Variants in ACE observed in about 807,000 individuals in gnomAD.
ACE encodes the protein angiotensin I converting enzyme, also known as angiotensin-converting enzyme.
Under a neutral mutation model 162.3 loss-of-function variants are expected in ACE, and 122 were observed. The observed-to-expected ratio is 0.75, with a 90% CI of 0.65 to 0.87. The LOEUF (loss-of-function observed/expected upper bound fraction) is 0.87. Among genes scored for constraint, ACE ranks in the 40% least tolerant of loss-of-function variants. ACE has a pLI of 0.00. For synonymous variants in ACE, 796 were observed against 720.6 expected (o/e 1.10, Z -1.68); for missense variants, 1,799 against 1,735.1 (o/e 1.04, Z -0.65).
At chr17:63,479,348 C>T (rs1205038258) in intron 3 of ACE, among the ~76,000 whole-genome samples, 2 of 152,182 alleles carry the variant, frequency 1.3e-5, no homozygotes, top group African/African-American at 4.8e-5. Flanking sequence ...CACCCCTAGG[C>T]CTTCCTCCTG....
chr17:63,477,451 C>G, intron 1 of ACE, 108 bp downstream of exon 1: 1 of 913,254 alleles, frequency 1.1e-6, no homozygotes, highest in Non-Finnish European at 1.4e-6. Flanking sequence ...CGAACCCCAC[C>G]CCGACCCCGG....
chr17:63,488,959 A>T lies in ACE; in HGVS notation c.2468A>T (p.Asp823Val), dbSNP rs777851729. The change falls in exon 17 of 25, where the codon GAC (aspartate) becomes GTC (valine). Residue 823 changes from aspartate to valine, a missense_variant. Transcript: ENST00000290866. ...TCTGTAGGCTATGTAGATGCAGGGG[A>T]CTCGTGGAGGTCTATGTACGAGACA... is the stretch of plus-strand genomic sequence containing the variant. ...ARLNGYVDAGDSWRSMYETPS... is the reference protein window; with the variant it reads ...ARLNGYVDAGVSWRSMYETPS... The T allele has an allele frequency of 1.1e-5, 17 of 1,613,932 alleles. No homozygotes were observed. Among genetic ancestry groups the T allele is most frequent in the Non-Finnish European group, 1.1e-5 (13 of 1,179,994 alleles).
chr17:63,490,882 C>T, intron 17 of ACE, 72 bp from the exon 18 acceptor site: 1 of 1,428,962 alleles, frequency 7.0e-7, no homozygotes, highest in Non-Finnish European at 9.9e-7. Flanking sequence ...GAGCGCTCTT[C>T]CTGCAGGAGG....
chr17:63,481,844 C>G lies in ACE; in HGVS notation c.1118+106C>G. 4.1e-6 allele frequency: 6 copies of G among 1,457,792 alleles called. No individual in the cohort carries two copies. In the South Asian group the frequency reaches 7.0e-5, roughly 17 times the overall value. The allele number at this position is 1,457,792 out of a possible 1,614,324, so 90.3% of individuals were successfully genotyped here. A position where few individuals can be genotyped will look rare whatever the true frequency, so the allele number is the denominator to read the frequency against. ...GCTGGTTCCCAGGCCTGCCTCTACC[C>G]TACCCCAGCACTGGTTGGAGGCTGG... On this transcript the variant is annotated intron_variant, in intron 7 of 24. Transcript: ENST00000290866.
intron 8 of ACE, 116 bp downstream of exon 8, chr17:63,482,805 T>C: frequency 8.1e-7 from 1 of 1,236,094 alleles, no homozygotes; most frequent in South Asian, 1.3e-5. Flanking sequence ...CGGCCCCAGG[T>C]CAGGCAGGGT....
In ACE at chr17:63,497,375, G is replaced by A. The variant is rs1182528731; in HGVS notation, c.*9G>A. The stretch of plus-strand genomic sequence containing the variant: ...AGCTGAGACACTCCTGAGGTGACCC[G>A]GCTGGGTCGGCCCTGCCCAAGGGCC... On this transcript the variant is annotated 3_prime_UTR_variant, in exon 25 of 25. Transcript: ENST00000290866. The A allele has an allele frequency of 3.4e-5, 53 of 1,546,626 alleles. No homozygotes were observed. The highest frequency in any genetic ancestry group is 9.6e-5 in the African/African-American group (7 of 72,938).
intron 21 of ACE, 135 bp downstream of exon 21, chr17:63,494,201 G>A: frequency 7.4e-7 from 1 of 1,346,632 alleles, no homozygotes; most frequent in Non-Finnish European, 1.0e-6. Flanking sequence ...TATGATGTGT[G>A]TGGTGTAAGT....
At chr17:63,480,059 C>T (rs2049681335) in intron 4 of ACE, 147 bp downstream of exon 4, 2 of 1,323,038 alleles carry the variant, frequency 1.5e-6, no homozygotes, top group African/African-American at 1.5e-5. Flanking sequence ...GTGGGACCGG[C>T]CTGCACCCAG....
chr17:63,477,334 A>C lies in ACE; in HGVS notation c.240A>C (p.Ala80=). The change falls in exon 1 of 25, where the codon GCA becomes GCC. Residue 80 remains alanine (A), a synonymous_variant. Transcript: ENST00000290866. ...AHDTNITAEN[A]RRQEEAALLS... is the part of the protein sequence containing the mutation. The stretch of plus-strand genomic sequence containing the variant: ...ACACCAACATCACCGCGGAGAATGC[A>C]AGGCGCCAGGTGGGCGCCCGGGCCC... 1 of 1,322,258 alleles carries C rather than the reference A, an allele frequency of 7.6e-7. No individual in the cohort carries two copies. The highest frequency in any genetic ancestry group is 2.4e-4 in the Middle Eastern group (1 of 4,178). 81.9% of individuals were successfully genotyped at this position (1,322,258 alleles called of 1,614,324 possible).
chr17:63,479,580 G>T (rs1229720388), intron 3 of ACE, among the ~76,000 whole-genome samples, 189 bp from the exon 4 acceptor site: 1 of 152,194 alleles, frequency 6.6e-6, no homozygotes, highest in Non-Finnish European at 1.5e-5. Flanking sequence ...TGGGGCAGGG[G>T]CCCTGCCTGG....
At chr17:63,496,641 G>T in intron 23 of ACE, 125 bp downstream of exon 23, 3 of 1,585,742 alleles carry the variant, frequency 1.9e-6, no homozygotes, top group Admixed American at 1.7e-5. Context: ...CCCACCTGCA[G>T]CGTGGGCCAG....
At position 63,497,685 on chromosome 17, in the gene ACE, A is replaced by G. The variant is rs886053228; in HGVS notation, c.*319A>G. On this transcript the variant is annotated 3_prime_UTR_variant, in exon 25 of 25. Coordinates refer to ENST00000290866, the MANE Select transcript of ACE (RefSeq NM_000789.4). Reference sequence around the variant, plus strand: ...ACAGGCTGCTTTCCTGCCTCCTGGCAGTCAAGTGGGTCCCGTTACTAGGTT... The same window carrying G: ...ACAGGCTGCTTTCCTGCCTCCTGGCGGTCAAGTGGGTCCCGTTACTAGGTT... The G allele has an allele frequency of 5.3e-6, 3 of 567,402 alleles. No homozygotes were observed. Among genetic ancestry groups the G allele is most frequent in the Non-Finnish European group, 6.5e-6 (2 of 306,186 alleles). The allele number at this position is 567,402 out of a possible 1,614,324, so 35.1% of individuals were successfully genotyped here. A position where few individuals can be genotyped will look rare whatever the true frequency, so the allele number is the denominator to read the frequency against.
At chr17:63,495,601 T>C (rs2030677616) in intron 22 of ACE, among the ~76,000 whole-genome samples, 1 of 152,208 alleles carries the variant, frequency 6.6e-6, no homozygotes, top group African/African-American at 2.4e-5. Context: ...GAGATGACAC[T>C]TAGGACAGGG....
chr17:63,496,385 C>T lies in ACE; in HGVS notation c.3381-9C>T, dbSNP rs751503566. On this transcript the variant is annotated splice_polypyrimidine_tract_variant and intron_variant, in intron 22 of 24. Transcript: ENST00000290866. ...CTCCGCCCCGGGCCACGGCCTCGCT[C>T]TGCTCCAGGTACTTTGTCAGCTTCA... The T allele has an allele frequency of 1.2e-6, 2 of 1,614,018 alleles. No individual in the cohort carries two copies. The highest frequency in any genetic ancestry group is 1.7e-6 in the Non-Finnish European group (2 of 1,180,030).
chr17:63,480,576 C>A, intron 5 of ACE, 48 bp downstream of exon 5: 1 of 1,602,198 alleles, frequency 6.2e-7, no homozygotes, highest in Non-Finnish European at 8.5e-7. Context: ...AAGTGTGGGT[C>A]CCGAGGTAGG....
At chr17:63,477,665 C>T in intron 1 of ACE, 1 of 507,630 alleles carries the variant, frequency 2.0e-6, no homozygotes, top group Non-Finnish European at 3.5e-6. Context: ...CTGTCACCGT[C>T]ACCGCACTGC....
At chr17:63,478,146 C>T (rs1191913379) in intron 2 of ACE, 48 bp downstream of exon 2, 9 of 1,549,094 alleles carry the variant, frequency 5.8e-6, no homozygotes, top group Middle Eastern at 4.0e-4. Context: ...CCTAGTGCCC[C>T]ATCGTGGGGG....
At position 63,496,499 on chromosome 17, in the gene ACE, G is replaced by C. The variant is rs2030740252; in HGVS notation, c.3486G>C (p.Glu1162Asp). 6.2e-7 allele frequency: 1 copy of C among 1,614,144 alleles called. No homozygotes were observed. Among genetic ancestry groups the C allele is most frequent in the Admixed American group, 1.7e-5 (1 of 60,038 alleles). The change falls in exon 23 of 25, where the codon GAG (glutamate) becomes GAC (aspartate). Residue 1162 changes from glutamate (E) to aspartate (D), a missense_variant. By Grantham distance (45) the Glu-to-Asp change is conservative. Transcript: ENST00000290866. ...LHKCDIYQSK[E>D]AGQRLATAMK... The stretch of plus-strand genomic sequence containing the variant: ...AGTGTGACATCTACCAGTCCAAGGA[G>C]GCCGGGCAGCGCCTGGCGTGAGTGT...
intron 17 of ACE, 76 bp from the exon 18 acceptor site, chr17:63,490,878 T>C (rs2030322652): frequency 1.5e-6 from 2 of 1,378,158 alleles, no homozygotes; most frequent in Non-Finnish European, 1.0e-6. Flanking sequence ...TCTGGAGCGC[T>C]CTTCCTGCAG....
Sources: allele counts gnomAD v4.1 joint callset (sites outside exome capture counted in the v4.1 genomes callset), GRCh38; gene constraint gnomAD v4.1.1; transcripts MANE v1.5; gene names NCBI Gene and HGNC (gene_info 2026-07-23, HGNC 2026-07-21).